CEP250: variants seen among roughly 807,000 people sequenced by gnomAD.
CEP250 encodes the protein centrosome-associated protein CEP250.
Under a neutral mutation model 315.7 loss-of-function variants are expected in CEP250, and 242 were observed. The observed-to-expected ratio is 0.77, with a 90% confidence interval of 0.69 to 0.85. The LOEUF is 0.85. Among genes scored for constraint, CEP250 ranks in the 40% least tolerant of loss-of-function variants. CEP250 has a pLI of 0.00. For synonymous variants in CEP250, 1,088 were observed against 1,175.0 expected (o/e 0.93, Z 1.51); for missense variants, 2,515 against 2,886.4 (o/e 0.87, Z 2.95).
At chr20:35,469,654 C>T (rs1327247029) in intron 9 of CEP250, among the ~76,000 whole-genome samples, 3 of 152,204 alleles carry the variant, frequency 2.0e-5, no homozygotes, top group African/African-American at 7.2e-5. Context: ...CGTGTTCCAG[C>T]CTTGAGATGT....
At position 35,472,659 on chromosome 20, in the gene CEP250, G is replaced by A; in HGVS notation, c.1051-14G>A. On this transcript the variant is annotated splice_polypyrimidine_tract_variant and intron_variant, in intron 11 of 34. Transcript: ENST00000397527. ...TGGTCAGTAGGGTGGTGACCTTGCT[G>A]TATTGGGTTTCAGGTCATGGTGGAA... 6.2e-7 allele frequency: 1 copy of A among 1,613,908 alleles called. No individual in the cohort carries two copies. The highest frequency in any genetic ancestry group is 8.5e-7 in the Non-Finnish European group (1 of 1,179,804).
At chr20:35,469,393 G>A (rs1437022095) in intron 9 of CEP250, among the ~76,000 whole-genome samples, 2 of 152,204 alleles carry the variant, frequency 1.3e-5, no homozygotes, top group Non-Finnish European at 2.9e-5. Context: ...TAAGCTCTAA[G>A]ATATAGTGTT....
chr20:35,507,646 G>T, intron 30 of CEP250, 92 bp from the exon 31 acceptor site: 1 of 935,610 alleles, frequency 1.1e-6, no homozygotes. Context: ...AAAGCCTGAG[G>T]AGAACATTGA....
intron 14 of CEP250, chr20:35,474,773 A>G (rs2063122538): frequency 2.1e-6 from 1 of 471,050 alleles, no homozygotes. Flanking sequence ...TTGTAGAATG[A>G]TGATAATATT....
At position 35,480,556 on chromosome 20, in the gene CEP250, G is replaced by T. The variant is rs528522312; in HGVS notation, c.2586+411G>T. 2.7e-5 allele frequency among the ~76,000 whole-genome samples: 4 copies of T among 149,774 alleles called. No individual in the cohort carries two copies. The East Asian group carries it at 7.8e-4, about 29-fold the overall frequency. On this transcript the variant is annotated intron_variant, in intron 20 of 34. Transcript: ENST00000397527. Reference sequence around the variant, plus strand: ...TTTAGGTGTATTTGGATTTATTTGTGCCATCTTATGTTATTTGTCTTGCTT... The same window carrying T: ...TTTAGGTGTATTTGGATTTATTTGTTCCATCTTATGTTATTTGTCTTGCTT...
intron 21 of CEP250, 103 bp downstream of exon 21, chr20:35,490,907 A>G: frequency 7.3e-7 from 1 of 1,377,996 alleles, no homozygotes; most frequent in Non-Finnish European, 9.9e-7. Flanking sequence ...AGGGGCTTCC[A>G]GAAGAGAGGG....
chr20:35,509,888 A>G lies in CEP250; in HGVS notation c.7009-110A>G, dbSNP rs1199396007. 5.8e-5 allele frequency: 57 copies of G among 983,272 alleles called. No individual in the cohort carries two copies. The East Asian group carries it at 1.3e-3, about 23-fold the overall frequency. The allele number at this position is 983,272 out of a possible 1,614,324, so 60.9% of individuals were successfully genotyped here. A position where few individuals can be genotyped will look rare whatever the true frequency, so the allele number is the denominator to read the frequency against. On this transcript the variant is annotated intron_variant, in intron 33 of 34. Coordinates refer to ENST00000397527, the MANE Select transcript of CEP250 (RefSeq NM_007186.6). ...GTCTGAGTTCAGATGCTTCTGGCCC[A>G]TAGCCCTTGCCCAGGCCCCTAAGAT...
chr20:35,499,790 T>C (rs1375701900), intron 27 of CEP250, among the ~76,000 whole-genome samples: 1 of 152,194 alleles, frequency 6.6e-6, no homozygotes, highest in African/African-American at 2.4e-5. Context: ...TGGGCTAACT[T>C]TGAGCAGGAG....
Position 35,504,394 on chromosome 20 carries a change from C to G in CEP250, c.6025C>G (p.Gln2009Glu), listed in dbSNP as rs1279039672. ...CCTGCAAGCCTCCCTGGATGCCTGC[C>G]AGGCACACAGTCGGCAGCTGGAGGA... is the stretch of plus-strand genomic sequence containing the variant. ...ATLQASLDAC[Q>E]AHSRQLEEAL... The change falls in exon 30 of 35, where the codon CAG (glutamine) becomes GAG (glutamate). Residue 2009 changes from glutamine (Q) to glutamate (E), a missense_variant. Physicochemically the swap from Gln to Glu is conservative, Grantham distance 29 (BLOSUM62 2). Coordinates refer to ENST00000397527, the MANE Select transcript of CEP250 (RefSeq NM_007186.6). 1 of 1,603,916 alleles carries G rather than the reference C, an allele frequency of 6.2e-7. No homozygotes were observed. Among genetic ancestry groups the G allele is most frequent in the Non-Finnish European group, 8.5e-7 (1 of 1,175,314 alleles).
In CEP250 at chr20:35,485,518, C is replaced by T. The variant is rs1162542517; in HGVS notation, c.2587-5119C>T. Among the ~76,000 whole-genome samples, 3 of 151,994 alleles carry T rather than the reference C, an allele frequency of 2.0e-5. No homozygotes were observed. The East Asian group carries it at 5.8e-4, about 29-fold the overall frequency. The stretch of plus-strand genomic sequence containing the variant: ...TGCTTGTTTTGTTTAGAGATAAGGT[C>T]TTGCTCTGGTCACCCAGGCTAGAGT... On this transcript the variant is annotated intron_variant, in intron 20 of 34. Coordinates refer to ENST00000397527, the MANE Select transcript of CEP250 (RefSeq NM_007186.6).
At chr20:35,456,609 C>T (rs1246831159) in intron 1 of CEP250, among the ~76,000 whole-genome samples, 1 of 152,174 alleles carries the variant, frequency 6.6e-6, no homozygotes, top group Non-Finnish European at 1.5e-5. Context: ...GTCATTATCG[C>T]TCACTATTTA....
chr20:35,518,535 A>G lies in CEP250; in HGVS notation c.*6909A>G, dbSNP rs2064453659. The G allele has an allele frequency of 1.3e-5, 2 of 152,252 alleles. No homozygotes were observed. The highest frequency in any genetic ancestry group is 3.4e-3 in the Middle Eastern group (1 of 294). The allele number at this position is 152,252 out of a possible 1,614,324, so 9.4% of individuals were successfully genotyped here. A position where few individuals can be genotyped will look rare whatever the true frequency, so the allele number is the denominator to read the frequency against. On this transcript the variant is annotated 3_prime_UTR_variant, in exon 35 of 35. Coordinates refer to ENST00000397527, the MANE Select transcript of CEP250 (RefSeq NM_007186.6). Reference sequence around the variant, plus strand: ...CACACCTTTAATTACCAATTTTCAGAGTAAGGGGTTGAGGTAATAGCCACC... The same window carrying G: ...CACACCTTTAATTACCAATTTTCAGGGTAAGGGGTTGAGGTAATAGCCACC...
At chr20:35,490,945 A>C in intron 21 of CEP250, 141 bp downstream of exon 21, 1 of 1,013,976 alleles carries the variant, frequency 9.9e-7, no homozygotes, top group East Asian at 2.5e-5. Flanking sequence ...AACAGTGAGC[A>C]GGGTGGTCCG....
At chr20:35,472,304 C>T (rs2063043574) in intron 11 of CEP250, among the ~76,000 whole-genome samples, 153 bp downstream of exon 11, 1 of 152,176 alleles carries the variant, frequency 6.6e-6, no homozygotes, top group African/African-American at 2.4e-5. Context: ...GACCAGAACC[C>T]TAAGAGATAG....
chr20:35,463,452 C>G lies in CEP250; in HGVS notation c.187-123C>G, dbSNP rs559975636. ...GAAACTATAAGATGTTATGGCCTTACCTTACTGTCACCACCCATTTCCCCT... is the reference window on the plus strand; with the variant it reads ...GAAACTATAAGATGTTATGGCCTTAGCTTACTGTCACCACCCATTTCCCCT... On this transcript the variant is annotated intron_variant, in intron 4 of 34. Coordinates refer to ENST00000397527, the MANE Select transcript of CEP250 (RefSeq NM_007186.6). 2.2e-5 allele frequency: 15 copies of G among 686,116 alleles called. No individual in the cohort carries two copies. In the African/African-American group the frequency reaches 2.6e-4, roughly 12 times the overall value. 42.5% of individuals were successfully genotyped at this position (686,116 alleles called of 1,614,324 possible).
rs1407163104 is a variant in CEP250, at chr20:35,467,560, G to A, written c.851+5G>A. On this transcript the variant is annotated splice_donor_5th_base_variant and intron_variant, in intron 9 of 34. Coordinates refer to ENST00000397527, the MANE Select transcript of CEP250 (RefSeq NM_007186.6). ...GAAGGCTGAACTTCAGGACCGGTGA[G>A]ATGGCCTGGGGTCCCAAGAAGGGTT... The A allele has an allele frequency of 6.2e-7, 1 of 1,612,718 alleles. No individual in the cohort carries two copies. The highest frequency in any genetic ancestry group is 8.5e-7 in the Non-Finnish European group (1 of 1,179,448).
intron 9 of CEP250, among the ~76,000 whole-genome samples, chr20:35,468,626 A>T (rs554308949): frequency 2.4e-4 from 37 of 152,170 alleles, no homozygotes; most frequent in African/African-American, 8.2e-4. Flanking sequence ...GTAAGTTTTT[A>T]TTTCTAGTAC....
intron 7 of CEP250, 113 bp downstream of exon 7, chr20:35,466,317 C>G: frequency 7.9e-7 from 1 of 1,272,736 alleles, no homozygotes; most frequent in Non-Finnish European, 1.1e-6. Context: ...TGAGCTGTTG[C>G]TGTTAAAGTC....
At position 35,496,513 on chromosome 20, in the gene CEP250, G is replaced by A. The variant is rs952169891; in HGVS notation, c.3168-64G>A. On this transcript the variant is annotated intron_variant, in intron 24 of 34. Coordinates refer to ENST00000397527, the MANE Select transcript of CEP250 (RefSeq NM_007186.6). ...ATTAATGCTATGTTTAGAATACTCAGATGAGAAGGTAATTTTTCATTCCCT... is the reference window on the plus strand; with the variant it reads ...ATTAATGCTATGTTTAGAATACTCAAATGAGAAGGTAATTTTTCATTCCCT... 6.4e-6 allele frequency: 9 copies of A among 1,403,244 alleles called. No homozygotes were observed. In the African/African-American group the frequency reaches 1.2e-4, roughly 18 times the overall value. The allele number at this position is 1,403,244 out of a possible 1,614,324, so 86.9% of individuals were successfully genotyped here.
Sources: allele counts gnomAD v4.1 joint callset (sites outside exome capture counted in the v4.1 genomes callset), GRCh38; gene constraint gnomAD v4.1.1; transcripts MANE v1.5; gene names NCBI Gene and HGNC (gene_info 2026-07-23, HGNC 2026-07-21).